IL1RAPL1: variants seen among roughly 807,000 people sequenced by gnomAD.
IL1RAPL1 encodes interleukin 1 receptor accessory protein like 1, also known as interleukin-1 receptor accessory protein-like 1.
IL1RAPL1 carries 3 observed loss-of-function variants against 48.4 expected under a neutral mutation model. That is an observed-to-expected ratio of 0.06 (90% confidence interval 0.03 to 0.16). IL1RAPL1 has a LOEUF of 0.16. Ranked by LOEUF, IL1RAPL1 falls within the 10% of genes least tolerant of loss-of-function variation. The pLI, the probability that IL1RAPL1 is intolerant of heterozygous loss-of-function variation, is 1.00. For missense variants in IL1RAPL1, 349 were observed against 530.6 expected, an observed-to-expected ratio of 0.66 and a Z score of 3.36; for synonymous variants, 185 against 187.7, an observed-to-expected ratio of 0.99 and a Z score of 0.12.
intron 1 of IL1RAPL1, among the ~76,000 whole-genome samples, chrX:28,619,321 A>T (rs1934256185): frequency 9.0e-6 from 1 of 110,776 alleles, no homozygotes; most frequent in South Asian, 3.8e-4. Context: ...AAGGCCAGGC[A>T]TGGTGGCTCA....
At chrX:29,954,865 A>G (rs1217971039) in intron 10 of IL1RAPL1, among the ~76,000 whole-genome samples, 173 bp downstream of exon 10, 1 of 112,344 alleles carries the variant, frequency 8.9e-6, no homozygotes, top group African/African-American at 3.2e-5. Context: ...TTGCTAGCTC[A>G]GAGAAAAGAT....
At chrX:29,953,661 C>T (rs184370503) in intron 9 of IL1RAPL1, among the ~76,000 whole-genome samples, 9 of 111,635 alleles carry the variant, frequency 8.1e-5, no homozygotes, top group Admixed American at 7.6e-4. Flanking sequence ...TATAATCATT[C>T]ATTTTAATAA....
chrX:29,219,385 T>C (rs987266622), intron 2 of IL1RAPL1, among the ~76,000 whole-genome samples: 1 of 111,492 alleles, frequency 9.0e-6, no homozygotes, highest in Admixed American at 9.6e-5. Flanking sequence ...GGAAAAGATA[T>C]GGGTCTGTCA....
At chrX:29,830,551 G>A (rs2147187727) in intron 6 of IL1RAPL1, among the ~76,000 whole-genome samples, 1 of 108,235 alleles carries the variant, frequency 9.2e-6, no homozygotes, top group Admixed American at 9.9e-5. Context: ...CTGGGTTCAA[G>A]CGATTCTCCT....
chrX:28,860,239 C>A (rs1218940686), intron 2 of IL1RAPL1, among the ~76,000 whole-genome samples: 3 of 111,035 alleles, frequency 2.7e-5, no homozygotes, highest in Admixed American at 9.6e-5. Context: ...GCTAAAATTC[C>A]ATATGTGCTA....
At position 29,860,887 on chromosome X, in the gene IL1RAPL1, G is replaced by A. The variant is rs774915449; in HGVS notation, c.779-56577G>A. On this transcript the variant is annotated intron_variant, in intron 6 of 10. Coordinates refer to ENST00000378993, the MANE Select transcript of IL1RAPL1 (RefSeq NM_014271.4). ...CACCTCTTTCTTTTTGTTTGCCTTT[G>A]GAAAATTCTGTTGAAAACCCTTTCT... 3.0e-4 allele frequency among the ~76,000 whole-genome samples: 34 copies of A among 111,834 alleles called. 1 individual carries two copies. Among genetic ancestry groups the A allele is most frequent in the Non-Finnish European group, 1.1e-4 (6 of 53,142 alleles).
At chrX:29,173,011 C>A (rs1384805142) in intron 2 of IL1RAPL1, among the ~76,000 whole-genome samples, 1 of 111,059 alleles carries the variant, frequency 9.0e-6, no homozygotes, top group African/African-American at 3.3e-5. Flanking sequence ...GCTGCTAAAC[C>A]CACCCAAGGC....
At chrX:29,119,053 G>A (rs1461972185) in intron 2 of IL1RAPL1, among the ~76,000 whole-genome samples, 1 of 110,265 alleles carries the variant, frequency 9.1e-6, no homozygotes, top group Non-Finnish European at 1.9e-5. Flanking sequence ...TATACAAAAC[G>A]ACCAAAACTG....
rs759492367 is a variant in IL1RAPL1, at chrX:29,736,587, G to A, written c.778+68083G>A. Among the ~76,000 whole-genome samples, 9 of 111,481 alleles carry A rather than the reference G, an allele frequency of 8.1e-5. No homozygotes were observed. In the East Asian group the frequency reaches 2.6e-3, roughly 32 times the overall value. ...CTAAGAATACAAAAATTAGCCGGGC[G>A]TTGTGGTGCATGCCTGTAGTCCCAG... On this transcript the variant is annotated intron_variant, in intron 6 of 10. Transcript: ENST00000378993.
At chrX:29,535,114 A>G (rs1391200760) in intron 5 of IL1RAPL1, among the ~76,000 whole-genome samples, 1 of 80,842 alleles carries the variant, frequency 1.2e-5, no homozygotes, top group Non-Finnish European at 2.3e-5. Context: ...AGCCTGGGCA[A>G]TGGAGTCAGA....
chrX:29,468,097 G>T (rs1360380511), intron 5 of IL1RAPL1, among the ~76,000 whole-genome samples: 3 of 112,018 alleles, frequency 2.7e-5, no homozygotes, highest in African/African-American at 9.7e-5. Context: ...CTGACCTCAA[G>T]TGATCCAGCG....
intron 2 of IL1RAPL1, among the ~76,000 whole-genome samples, chrX:29,197,513 GCCTATACT>G (rs1488524881): frequency 2.7e-5 from 3 of 111,479 alleles, no homozygotes; most frequent in Non-Finnish European, 5.6e-5. Flanking sequence ...CATTCTCTAT[GCCTATACT>G]TCCTTCATTC....
chrX:29,362,546 G>T (rs1933391303), intron 3 of IL1RAPL1, among the ~76,000 whole-genome samples: 1 of 111,471 alleles, frequency 9.0e-6, no homozygotes, highest in Non-Finnish European at 1.9e-5. Context: ...ATAAATTCCT[G>T]CAATGATCTA....
chrX:28,817,646 G>A (rs2147279524), intron 2 of IL1RAPL1, among the ~76,000 whole-genome samples: 1 of 111,399 alleles, frequency 9.0e-6, no homozygotes, highest in Admixed American at 9.5e-5. Flanking sequence ...AGCTGGATAA[G>A]ATTTGAGGTC....
intron 5 of IL1RAPL1, among the ~76,000 whole-genome samples, chrX:29,622,973 T>A (rs2147075184): frequency 9.1e-6 from 1 of 110,371 alleles, no homozygotes; most frequent in Non-Finnish European, 1.9e-5. Flanking sequence ...TTTATCTATG[T>A]TTTAAGAATT....
chrX:29,680,732 G>T (rs1346267566), intron 6 of IL1RAPL1, among the ~76,000 whole-genome samples: 1 of 111,687 alleles, frequency 9.0e-6, no homozygotes, highest in Non-Finnish European at 1.9e-5. Flanking sequence ...ACTTAGTGAG[G>T]GTAGAATGAC....
At chrX:28,970,126 G>A (rs1163380159) in intron 2 of IL1RAPL1, among the ~76,000 whole-genome samples, 1 of 111,202 alleles carries the variant, frequency 9.0e-6, no homozygotes, top group Non-Finnish European at 1.9e-5. Context: ...TCAGCCTCCC[G>A]AGCAGCTGGG....
intron 1 of IL1RAPL1, among the ~76,000 whole-genome samples, chrX:28,742,083 C>T (rs959754759): frequency 1.8e-5 from 2 of 111,226 alleles, no homozygotes; most frequent in Middle Eastern, 4.6e-3. Context: ...ACTGGCAGAA[C>T]GTCTCGTTGG....
At chrX:29,108,763 C>T (rs915508634) in intron 2 of IL1RAPL1, among the ~76,000 whole-genome samples, 1 of 111,213 alleles carries the variant, frequency 9.0e-6, no homozygotes, top group African/African-American at 3.3e-5. Context: ...TACAAACATA[C>T]AATTCGGCTT....
Sources: allele counts gnomAD v4.1 joint callset (sites outside exome capture counted in the v4.1 genomes callset), GRCh38; gene constraint gnomAD v4.1.1; transcripts MANE v1.5; gene names NCBI Gene and HGNC (gene_info 2026-07-23, HGNC 2026-07-21).